Variants in IL15 observed in about 807,000 individuals in gnomAD.
IL15 encodes the protein interleukin-15.
IL15 carries 11 observed loss-of-function variants against 19.6 expected under a neutral mutation model. That is an observed-to-expected ratio of 0.56 (90% CI 0.35 to 0.93). The LOEUF (loss-of-function observed/expected upper bound fraction) is 0.93. Among genes scored for constraint, IL15 ranks in the 40% least tolerant of loss-of-function variants. IL15 has a pLI of 0.01. For missense variants in IL15, 197 were observed against 186.5 expected, an observed-to-expected ratio of 1.06 and a Z score of -0.33; for synonymous variants, 58 against 59.6, an observed-to-expected ratio of 0.97 and a Z score of 0.12.
At chr4:141,726,990 A>T (rs1219641918) in intron 5 of IL15, among the ~76,000 whole-genome samples, 1 of 152,198 alleles carries the variant, frequency 6.6e-6, no homozygotes, top group Non-Finnish European at 1.5e-5. Flanking sequence ...GATCCCAACT[A>T]TGACATTTTG....
At chr4:141,685,648 C>T (rs143127531) in intron 2 of IL15, among the ~76,000 whole-genome samples, 2 of 152,238 alleles carry the variant, frequency 1.3e-5, no homozygotes, top group East Asian at 3.9e-4. Context: ...ACTCAGAAAA[C>T]ATCTGTTAAT....
At position 141,732,921 on chromosome 4, in the gene IL15, C is replaced by T; in HGVS notation, c.*73C>T. ...TCTGCTGCTTAGACATAACAAAACA[C>T]TCGGCATTTCAAATGTGCTGTCAAA... On this transcript the variant is annotated 3_prime_UTR_variant, in exon 8 of 8. Transcript: ENST00000320650. 6.5e-7 allele frequency: 1 copy of T among 1,534,592 alleles called. No individual in the cohort carries two copies. The highest frequency in any genetic ancestry group is 8.7e-7 in the Non-Finnish European group (1 of 1,146,230).
At chr4:141,682,047 A>G (rs1185651564) in intron 2 of IL15, among the ~76,000 whole-genome samples, 1 of 152,232 alleles carries the variant, frequency 6.6e-6, no homozygotes, top group Non-Finnish European at 1.5e-5. Flanking sequence ...TGGAGTAAAC[A>G]TTAGATGCAA....
intron 2 of IL15, among the ~76,000 whole-genome samples, chr4:141,675,990 CAA>C (rs1728327524): frequency 6.6e-6 from 1 of 151,796 alleles, no homozygotes; most frequent in Non-Finnish European, 1.5e-5. Flanking sequence ...TTAATACAGA[CAA>C]AAGTGTCTAC....
At chr4:141,701,567 G>A (rs1473505797) in intron 2 of IL15, among the ~76,000 whole-genome samples, 1 of 152,130 alleles carries the variant, frequency 6.6e-6, no homozygotes, top group African/African-American at 2.4e-5. Flanking sequence ...CTTTACTCCA[G>A]TATTTTATTT....
chr4:141,654,710 A>G (rs1727531071), intron 1 of IL15, among the ~76,000 whole-genome samples: 1 of 152,224 alleles, frequency 6.6e-6, no homozygotes, highest in Non-Finnish European at 1.5e-5. Flanking sequence ...ATGGAAAAAA[A>G]GTGCATTGTT....
intron 2 of IL15, among the ~76,000 whole-genome samples, chr4:141,692,552 T>G (rs562814559): frequency 5.2e-4 from 79 of 152,288 alleles, no homozygotes; most frequent in Admixed American, 3.0e-3. Flanking sequence ...CCAGGTCACC[T>G]CTTAATGCTT....
intron 1 of IL15, among the ~76,000 whole-genome samples, chr4:141,652,256 A>G (rs1023042585): frequency 6.6e-6 from 1 of 152,132 alleles, no homozygotes; most frequent in Non-Finnish European, 1.5e-5. Flanking sequence ...CTATTCTCCT[A>G]TTGTGAGGAC....
chr4:141,693,016 CAAAAAAAAAAA>C lies in IL15; in HGVS notation c.-99-26334_-99-26324del, dbSNP rs70949131. Among the ~76,000 whole-genome samples the C allele has an allele frequency of 2.6e-4, 6 of 23,232 alleles. 1 individual carries two copies. Among genetic ancestry groups the C allele is most frequent in the East Asian group, 2.9e-3 (2 of 688 alleles). The allele number at this position is 23,232 out of a possible 152,430, so 15.2% of individuals were successfully genotyped here. The stretch of plus-strand genomic sequence containing the variant: ...AGGGGAACAGAGCAAGACTCCGTCT[CAAAAAAAAAAA>C]AAAAAAAAAAAAAAAGATACTACCT... On this transcript the variant is annotated intron_variant, in intron 2 of 7. Coordinates refer to ENST00000320650, the MANE Select transcript of IL15 (RefSeq NM_000585.5).
chr4:141,713,150 C>T (rs1320297662), intron 2 of IL15, among the ~76,000 whole-genome samples: 1 of 152,094 alleles, frequency 6.6e-6, no homozygotes, highest in African/African-American at 2.4e-5. Flanking sequence ...TTGAAAATCT[C>T]ATATTGGTGT....
chr4:141,720,215 AC>A (rs1312619220), intron 3 of IL15, among the ~76,000 whole-genome samples: 1 of 152,144 alleles, frequency 6.6e-6, no homozygotes, highest in African/African-American at 2.4e-5. Context: ...AAATATGTCA[AC>A]TTTGTTAAAT....
chr4:141,721,097 C>A, intron 4 of IL15: 1 of 1,494,306 alleles, frequency 6.7e-7, no homozygotes, highest in Non-Finnish European at 9.1e-7. Flanking sequence ...AGCACCTAAC[C>A]TATAGTTATA....
intron 1 of IL15, among the ~76,000 whole-genome samples, chr4:141,639,712 G>A (rs1408433617): frequency 6.6e-6 from 1 of 152,192 alleles, no homozygotes; most frequent in Non-Finnish European, 1.5e-5. Flanking sequence ...GGTTTGGCAA[G>A]AAGCCACTTC....
intron 1 of IL15, among the ~76,000 whole-genome samples, chr4:141,644,286 A>G (rs1272014957): frequency 5.3e-5 from 8 of 152,122 alleles, no homozygotes; most frequent in African/African-American, 1.7e-4. Context: ...CCATAAAACA[A>G]GAACAAAACA....
Position 141,719,492 on chromosome 4 carries a change from G to A in IL15, c.12+16G>A, listed in dbSNP as rs1490802802. ...GAGAATTTCGGTAAGAAAAAAAATA[G>A]ATGAAAATATCCTATGGAATTTCCC... On this transcript the variant is annotated intron_variant, in intron 3 of 7. Coordinates refer to ENST00000320650, the MANE Select transcript of IL15 (RefSeq NM_000585.5). 1.4e-5 allele frequency: 17 copies of A among 1,248,496 alleles called. No individual in the cohort carries two copies. Among genetic ancestry groups the A allele is most frequent in the Non-Finnish European group, 2.0e-5 (17 of 852,676 alleles). 77.3% of individuals were successfully genotyped at this position (1,248,496 alleles called of 1,614,324 possible). A position where few individuals can be genotyped will look rare whatever the true frequency, so the allele number is the denominator to read the frequency against.
chr4:141,688,273 T>G (rs1297029409), intron 2 of IL15, among the ~76,000 whole-genome samples: 1 of 152,164 alleles, frequency 6.6e-6, no homozygotes, highest in South Asian at 2.1e-4. Context: ...CTTTTTCCAG[T>G]ATACCTTGTG....
chr4:141,717,162 G>A (rs1208256686), intron 2 of IL15: 8 of 152,260 alleles, frequency 5.3e-5, no homozygotes, highest in Non-Finnish European at 1.2e-4. Flanking sequence ...AGTGACTTTT[G>A]AGCCTACTAG....
intron 1 of IL15, among the ~76,000 whole-genome samples, chr4:141,654,010 A>AT (rs1223353281): frequency 8.5e-5 from 13 of 152,254 alleles, no homozygotes; most frequent in Non-Finnish European, 1.9e-4. Context: ...CTGACCTCAC[A>AT]TTTTCTCAAG....
intron 2 of IL15, among the ~76,000 whole-genome samples, chr4:141,708,136 C>T (rs903771256): frequency 1.3e-5 from 2 of 152,206 alleles, no homozygotes; most frequent in African/African-American, 4.8e-5. Context: ...TGCTTGCTGG[C>T]TGTGAAGCAC....
Sources: allele counts gnomAD v4.1 joint callset (sites outside exome capture counted in the v4.1 genomes callset), GRCh38; gene constraint gnomAD v4.1.1; transcripts MANE v1.5; gene names NCBI Gene and HGNC (gene_info 2026-07-23, HGNC 2026-07-21).